Variants in MAP7 observed in about 807,000 individuals in gnomAD.
MAP7 encodes the protein microtubule associated protein 7.
In MAP7, 52 loss-of-function variants were observed where a neutral mutation model predicts 94.8. That is an observed-to-expected ratio of 0.55 (90% confidence interval 0.44 to 0.69). MAP7 has a LOEUF of 0.69. Ranked by LOEUF, MAP7 falls within the 30% of genes least tolerant of loss-of-function variation. MAP7 has a pLI of 0.00. For synonymous variants in MAP7, 350 were observed against 357.0 expected (o/e 0.98, Z 0.22); for missense variants, 940 against 964.6 (o/e 0.97, Z 0.34).
At chr6:136,474,637 C>G (rs919608245) in intron 1 of MAP7, among the ~76,000 whole-genome samples, 2 of 151,650 alleles carry the variant, frequency 1.3e-5, no homozygotes, top group African/African-American at 4.8e-5. Flanking sequence ...ATGTGATAGA[C>G]AAAGATGTAA....
rs1044031745 is a variant in MAP7, at chr6:136,550,255, G to A, written c.67+87C>T. ...CGCGCGGGCGGGGAGGGGGCTGCCG[G>A]CGCCGGGTGATTTCGGTGCCAGCCC... is the stretch of plus-strand genomic sequence containing the variant. On this transcript the variant is annotated intron_variant, in intron 1 of 17. Transcript: ENST00000354570. The surrounding 1 kb of genome is among the most constrained non-coding windows in gnomAD (Gnocchi z 5.1). 617 of 1,213,578 alleles carry A rather than the reference G, an allele frequency of 5.1e-4. No individual in the cohort carries two copies. The highest frequency in any genetic ancestry group is 5.4e-4 in the Non-Finnish European group (508 of 942,968). The allele number at this position is 1,213,578 out of a possible 1,614,324, so 75.2% of individuals were successfully genotyped here.
chr6:136,420,872 C>T (rs910526433), intron 2 of MAP7, among the ~76,000 whole-genome samples: 2 of 152,094 alleles, frequency 1.3e-5, no homozygotes, highest in African/African-American at 4.8e-5. Context: ...TAAGGTTAGA[C>T]TCAGTTATTT....
At chr6:136,385,270 T>TA (rs3839509) in intron 5 of MAP7, among the ~76,000 whole-genome samples, 3 of 151,298 alleles carry the variant, frequency 2.0e-5, no homozygotes, top group East Asian at 2.0e-4. Context: ...ATTTTATTAT[T>TA]AAAAAAAAAA....
chr6:136,383,881 C>T (rs1778465051), intron 5 of MAP7, 100 bp from the exon 6 acceptor site: 1 of 712,372 alleles, frequency 1.4e-6, no homozygotes, highest in East Asian at 2.8e-5. Context: ...ATGCTTTCTG[C>T]TCTATTTCTA....
chr6:136,421,797 G>A lies in MAP7; in HGVS notation c.70C>T (p.Pro24Ser), dbSNP rs1791452365. The A allele has an allele frequency of 6.2e-7, 1 of 1,602,650 alleles. No individual in the cohort carries two copies. The highest frequency in any genetic ancestry group is 8.5e-7 in the Non-Finnish European group (1 of 1,176,590). The change falls in exon 2 of 18, where the codon CCC becomes TCC. Residue 24 changes from proline to serine, a missense_variant and splice_region_variant. Physicochemically the swap from Pro to Ser is moderately conservative, Grantham distance 74 (BLOSUM62 -1). Coordinates refer to ENST00000354570, the MANE Select transcript of MAP7 (RefSeq NM_003980.6). ...TTATCTTGCACTTTGTAGCTGTCGG[G>A]TGCTACAGAAATGAGACAAAAGAGA... is the stretch of plus-strand genomic sequence containing the variant. Reference protein sequence around the residue: ...GDGAVRSETAPDSYKVQDKKN... With the variant: ...GDGAVRSETASDSYKVQDKKN...
chr6:136,466,816 A>G (rs1402335891), intron 1 of MAP7: 48 of 1,534,432 alleles, frequency 3.1e-5, no homozygotes, highest in South Asian at 3.6e-5. Context: ...ATCCTGCAAC[A>G]TATCTGCATG....
At chr6:136,390,929 G>C (rs1248705910) in intron 3 of MAP7, among the ~76,000 whole-genome samples, 1 of 152,134 alleles carries the variant, frequency 6.6e-6, no homozygotes, top group Non-Finnish European at 1.5e-5. Context: ...TAGCAGCTAG[G>C]CTACTAACTG....
intron 1 of MAP7, among the ~76,000 whole-genome samples, chr6:136,528,191 C>T (rs987747970): frequency 1.3e-5 from 2 of 152,220 alleles, no homozygotes; most frequent in African/African-American, 4.8e-5. Flanking sequence ...AAATGTTTGA[C>T]CCAGATGTTT....
intron 2 of MAP7, among the ~76,000 whole-genome samples, chr6:136,421,296 C>T (rs919332281): frequency 6.6e-5 from 10 of 152,270 alleles, no homozygotes; most frequent in Admixed American, 2.6e-4. Flanking sequence ...AAAAGAGATA[C>T]GCAATAATGC....
intron 1 of MAP7, among the ~76,000 whole-genome samples, chr6:136,507,724 A>G (rs1490375361): frequency 6.6e-6 from 1 of 152,220 alleles, no homozygotes; most frequent in East Asian, 1.9e-4. Flanking sequence ...TTTAGATATT[A>G]TTCTACCTAA....
intron 1 of MAP7, among the ~76,000 whole-genome samples, chr6:136,422,316 C>T (rs973742708): frequency 2.0e-5 from 3 of 152,076 alleles, no homozygotes; most frequent in African/African-American, 4.8e-5. Context: ...AAGACTTCAA[C>T]GTATGTTCAG....
intron 8 of MAP7, among the ~76,000 whole-genome samples, chr6:136,372,163 T>C (rs1774709118): frequency 6.6e-6 from 1 of 152,204 alleles, no homozygotes; most frequent in Non-Finnish European, 1.5e-5. Context: ...TCAAAGGCCA[T>C]TTGGTTTTCC....
intron 1 of MAP7, among the ~76,000 whole-genome samples, chr6:136,457,049 C>T (rs1582970427): frequency 7.0e-6 from 1 of 141,996 alleles, no homozygotes; most frequent in South Asian, 2.2e-4. Flanking sequence ...ACAAAATTGA[C>T]AAACCTTTAG....
intron 1 of MAP7, among the ~76,000 whole-genome samples, chr6:136,534,370 C>T (rs1026140376): frequency 6.6e-6 from 1 of 152,194 alleles, no homozygotes; most frequent in Non-Finnish European, 1.5e-5. Flanking sequence ...GGATTTGGCC[C>T]ACCCATAGCC....
At chr6:136,395,108 C>T (rs1286331599) in intron 3 of MAP7, among the ~76,000 whole-genome samples, 1 of 150,988 alleles carries the variant, frequency 6.6e-6, no homozygotes, top group East Asian at 1.9e-4. Context: ...CTGGGTCATC[C>T]TGCAGTTCTA....
intron 1 of MAP7, among the ~76,000 whole-genome samples, chr6:136,468,192 C>CT (rs1032215324): frequency 6.6e-5 from 10 of 151,728 alleles, no homozygotes; most frequent in South Asian, 4.2e-4. Context: ...GTACTACTGA[C>CT]TTTTTTTTTC....
chr6:136,359,683 G>C (rs1791971884), intron 15 of MAP7, 137 bp downstream of exon 15: 2 of 771,140 alleles, frequency 2.6e-6, no homozygotes, highest in Non-Finnish European at 4.3e-6. Flanking sequence ...AGGACTCGAT[G>C]ACAGACCCCT....
At chr6:136,420,219 G>C in intron 2 of MAP7, 1 of 1,057,454 alleles carries the variant, frequency 9.5e-7, no homozygotes, top group Admixed American at 1.7e-5. Context: ...GCATTTCAGA[G>C]CCAGGAACAT....
chr6:136,344,266 G>A, intron 17 of MAP7, 28 bp from the exon 18 acceptor site: 5 of 1,196,754 alleles, frequency 4.2e-6, no homozygotes, highest in Non-Finnish European at 5.6e-6. Flanking sequence ...AAAAGAACAA[G>A]ATTAATATGA....
Sources: gnomAD v4.1 joint callset for allele counts (sites outside exome capture counted in the v4.1 genomes callset) on GRCh38, gnomAD v4.1.1 for gene constraint, Gnocchi (gnomAD v3.1) non-coding constraint, MANE v1.5 for transcripts, NCBI Gene and HGNC (gene_info 2026-07-23, HGNC 2026-07-21) for gene names.